PKNOX2: variants seen among roughly 807,000 people sequenced by gnomAD.
PKNOX2 encodes the protein homeobox protein PKNOX2.
In PKNOX2, 14 loss-of-function variants were observed where a neutral mutation model predicts 53.1. The observed-to-expected ratio is 0.26, with a 90% CI of 0.17 to 0.41. The LOEUF is 0.41. PKNOX2 is among the 10% of genes least tolerant of loss of function. The pLI, the probability that PKNOX2 is intolerant of heterozygous loss-of-function variation, is 1.00. For missense variants in PKNOX2, 496 were observed against 602.8 expected, an observed-to-expected ratio of 0.82 and a Z score of 1.85; for synonymous variants, 257 against 242.8, an observed-to-expected ratio of 1.06 and a Z score of -0.54.
chr11:125,268,378 G>A (rs555173442), intron 2 of PKNOX2, among the ~76,000 whole-genome samples: 1 of 152,222 alleles, frequency 6.6e-6, no homozygotes, highest in Non-Finnish European at 1.5e-5. Flanking sequence ...GTGTTCTCCT[G>A]TATAAAATGA....
intron 2 of PKNOX2, among the ~76,000 whole-genome samples, chr11:125,297,121 C>A (rs1191652673): frequency 1.3e-5 from 2 of 152,206 alleles, no homozygotes; most frequent in Non-Finnish European, 2.9e-5. Context: ...TGTGCCGTAG[C>A]ATCTGCACTT....
chr11:125,168,428 G>A (rs1955045761), intron 1 of PKNOX2, among the ~76,000 whole-genome samples: 1 of 152,224 alleles, frequency 6.6e-6, no homozygotes. Context: ...AAGTTCAGTA[G>A]CAATAAATTG....
intron 5 of PKNOX2, among the ~76,000 whole-genome samples, chr11:125,375,871 G>A (rs1250475369): frequency 6.6e-6 from 1 of 152,118 alleles, no homozygotes; most frequent in Non-Finnish European, 1.5e-5. Context: ...TTTTCAGTTC[G>A]GGGTGCAGGA....
intron 2 of PKNOX2, among the ~76,000 whole-genome samples, chr11:125,293,925 C>T (rs956787929): frequency 3.9e-5 from 6 of 152,100 alleles, no homozygotes; most frequent in African/African-American, 1.4e-4. Flanking sequence ...GTAGATATTA[C>T]CTTTAATCTT....
chr11:125,351,240 G>C, intron 3 of PKNOX2, 44 bp from the exon 4 acceptor site: 1 of 862,554 alleles, frequency 1.2e-6, no homozygotes, highest in Non-Finnish European at 1.9e-6. Context: ...GGGCGGGCCT[G>C]CTCAGCGGTG....
intron 5 of PKNOX2, among the ~76,000 whole-genome samples, chr11:125,377,620 C>A (rs578177421): frequency 6.6e-6 from 1 of 152,312 alleles, no homozygotes; most frequent in African/African-American, 2.4e-5. Context: ...CTCCTTCCAG[C>A]CACCACCTTT....
intron 1 of PKNOX2, among the ~76,000 whole-genome samples, chr11:125,196,978 C>T (rs149499560): frequency 1.6e-3 from 236 of 152,256 alleles, no homozygotes; most frequent in South Asian, 9.5e-3. Flanking sequence ...TGGGTAAAGC[C>T]GTAAGCGATG....
intron 10 of PKNOX2, among the ~76,000 whole-genome samples, chr11:125,424,559 A>G (rs1028508077): frequency 6.6e-6 from 1 of 152,076 alleles, no homozygotes; most frequent in African/African-American, 2.4e-5. Flanking sequence ...AGAGGAGGGG[A>G]AAAGCGTGTA....
At chr11:125,342,320 A>T (rs1950731675) in intron 3 of PKNOX2, among the ~76,000 whole-genome samples, 1 of 152,084 alleles carries the variant, frequency 6.6e-6, no homozygotes, top group Non-Finnish European at 1.5e-5. Context: ...CAGAGGTGGA[A>T]TGCGTAGGCT....
chr11:125,252,486 G>A (rs761265782), intron 2 of PKNOX2, among the ~76,000 whole-genome samples: 5 of 152,324 alleles, frequency 3.3e-5, no homozygotes, highest in Non-Finnish European at 7.4e-5. Flanking sequence ...AGATTATGAT[G>A]ACCTGCCTGA....
chr11:125,176,131 A>G (rs1303911399), intron 1 of PKNOX2, among the ~76,000 whole-genome samples: 4 of 152,056 alleles, frequency 2.6e-5, no homozygotes, highest in African/African-American at 9.7e-5. Context: ...TTGCCAATTC[A>G]AGCTTAGAGT....
At chr11:125,215,124 C>G (rs1478976104) in intron 1 of PKNOX2, among the ~76,000 whole-genome samples, 1 of 152,022 alleles carries the variant, frequency 6.6e-6, no homozygotes, top group Admixed American at 6.5e-5. Context: ...AGGGGAAGGC[C>G]GTGTCTTCCG....
In PKNOX2 at chr11:125,165,371, G is replaced by T. The variant is rs1954786236; in HGVS notation, c.-201+595G>T. On this transcript the variant is annotated intron_variant, in intron 1 of 12. Transcript: ENST00000298282. The surrounding 1 kb of genome is among the most constrained non-coding windows in gnomAD (Gnocchi z 4.5). Reference sequence around the variant, plus strand: ...AGGCTCCCGGCCGGGCGCTCCGCGGGGAGAGGCTGGGAACCGCGGGCAGGC... The same window carrying T: ...AGGCTCCCGGCCGGGCGCTCCGCGGTGAGAGGCTGGGAACCGCGGGCAGGC... Among the ~76,000 whole-genome samples, 1 of 152,138 alleles carries T rather than the reference G, an allele frequency of 6.6e-6. No individual in the cohort carries two copies. Among genetic ancestry groups the T allele is most frequent in the Non-Finnish European group, 1.5e-5 (1 of 68,010 alleles).
Position 125,249,762 on chromosome 11 carries a change from C to T in PKNOX2, c.-130+14647C>T, listed in dbSNP as rs559601336. On this transcript the variant is annotated intron_variant, in intron 2 of 12. Transcript: ENST00000298282. Reference sequence around the variant, plus strand: ...CCAGGTTCTAAGATAGGAACTGGGGCGACAAAATTAAAATAAAAAATTTTG... The same window carrying T: ...CCAGGTTCTAAGATAGGAACTGGGGTGACAAAATTAAAATAAAAAATTTTG... Among the ~76,000 whole-genome samples, 50 of 152,178 alleles carry T rather than the reference C, an allele frequency of 3.3e-4. No homozygotes were observed. In the Middle Eastern group the frequency reaches 0.01, roughly 31 times the overall value.
chr11:125,416,009 A>G (rs1955851833), intron 10 of PKNOX2, among the ~76,000 whole-genome samples: 1 of 152,204 alleles, frequency 6.6e-6, no homozygotes, highest in Non-Finnish European at 1.5e-5. Context: ...CCTCAATAGA[A>G]AGTGGAATTA....
At position 125,367,969 on chromosome 11, in the gene PKNOX2, AAGCG is replaced by A; in HGVS notation, c.215_218del (p.Arg72LeufsTer11). The stretch of plus-strand genomic sequence containing the variant: ...CCCCCAGGCCCAGCTGGAGGCTGAC[AAGCG>A]AGCTGTATACAGGTAGGAGACACTT... On this transcript the variant is annotated frameshift_variant, in exon 5 of 13. Transcript: ENST00000298282. LOFTEE classifies it high-confidence loss of function. 6.2e-7 allele frequency: 1 copy of A among 1,613,248 alleles called. No individual in the cohort carries two copies. Among genetic ancestry groups the A allele is most frequent in the Non-Finnish European group, 8.5e-7 (1 of 1,179,598 alleles).
intron 4 of PKNOX2, among the ~76,000 whole-genome samples, chr11:125,353,262 A>G (rs556850424): frequency 1.3e-5 from 2 of 152,308 alleles, no homozygotes; most frequent in South Asian, 4.1e-4. Context: ...GGCAGGGCTG[A>G]GAGGTCAGAG....
intron 3 of PKNOX2, among the ~76,000 whole-genome samples, chr11:125,345,382 C>A (rs1271323231): frequency 2.0e-5 from 3 of 152,110 alleles, no homozygotes; most frequent in African/African-American, 7.2e-5. Flanking sequence ...TCCTCCTCTG[C>A]CACCACAAAT....
At chr11:125,406,075 C>G (rs541607844) in intron 7 of PKNOX2, among the ~76,000 whole-genome samples, 3 of 152,312 alleles carry the variant, frequency 2.0e-5, no homozygotes, top group African/African-American at 7.2e-5. Context: ...TAGAGGGGAG[C>G]AACTCTGTGT....
Sources: gnomAD v4.1 joint callset for allele counts (sites outside exome capture counted in the v4.1 genomes callset) on GRCh38, gnomAD v4.1.1 for gene constraint, Gnocchi (gnomAD v3.1) non-coding constraint, MANE v1.5 for transcripts, NCBI Gene and HGNC (gene_info 2026-07-23, HGNC 2026-07-21) for gene names.